SAMTOR: variants seen among roughly 807,000 people sequenced by gnomAD.
SAMTOR encodes UPF0532 protein C7orf60.
the SAMTOR span, among the ~76,000 whole-genome samples, chr7:112,868,947 T>C: frequency 2.6e-5 from 4 of 152,296 alleles, no homozygotes; most frequent in South Asian, 8.3e-4. Flanking sequence ...CCCGGGCTGC[T>C]TCCTTGGTTG....
the SAMTOR span, among the ~76,000 whole-genome samples, chr7:112,826,746 A>G: frequency 1.1e-4 from 16 of 152,058 alleles, no homozygotes; most frequent in East Asian, 3.9e-4. Context: ...TAGTGCTATA[A>G]TTTTCCCCTA....
chr7:112,925,549 T>A, the SAMTOR span, among the ~76,000 whole-genome samples: 2 of 152,178 alleles, frequency 1.3e-5, no homozygotes, highest in African/African-American at 4.8e-5. Context: ...ATCCCAGCAC[T>A]TTGGGAGGCC....
chr7:112,847,616 T>C, the SAMTOR span, among the ~76,000 whole-genome samples: 4 of 152,146 alleles, frequency 2.6e-5, no homozygotes, highest in East Asian at 5.8e-4. Flanking sequence ...CTGTCTCTAC[T>C]AAAAATACAA....
the SAMTOR span, among the ~76,000 whole-genome samples, chr7:112,835,190 C>A: frequency 2.3e-4 from 35 of 151,996 alleles, no homozygotes; most frequent in Non-Finnish European, 3.4e-4. Flanking sequence ...GATCCAGCAG[C>A]TTTACTAAAT....
the SAMTOR span, among the ~76,000 whole-genome samples, chr7:112,918,689 T>A: frequency 6.6e-6 from 1 of 152,160 alleles, no homozygotes; most frequent in African/African-American, 2.4e-5. Flanking sequence ...CAGTGTGCTG[T>A]ATTCAGGAAA....
chr7:112,925,974 T>C, the SAMTOR span, among the ~76,000 whole-genome samples: 2 of 152,250 alleles, frequency 1.3e-5, no homozygotes, highest in East Asian at 3.9e-4. Context: ...GCATACCGAA[T>C]GTGTCCAGAA....
At chr7:112,849,167 G>C in the SAMTOR span, among the ~76,000 whole-genome samples, 1 of 151,948 alleles carries the variant, frequency 6.6e-6, no homozygotes, top group African/African-American at 2.4e-5. Flanking sequence ...TATCTTAAAT[G>C]GTTCTTTCAT....
the SAMTOR span, among the ~76,000 whole-genome samples, chr7:112,872,959 C>G: frequency 4.6e-5 from 7 of 150,806 alleles, no homozygotes; most frequent in Admixed American, 1.3e-4. Flanking sequence ...GTGCACACAC[C>G]CACACACCCA....
chr7:112,929,404 T>C, the SAMTOR span, among the ~76,000 whole-genome samples: 8 of 151,988 alleles, frequency 5.3e-5, no homozygotes, highest in African/African-American at 2.4e-5. Flanking sequence ...ACCTCCCATC[T>C]GTTAGGATGG....
At chr7:112,863,231 T>C in the SAMTOR span, among the ~76,000 whole-genome samples, 10 of 152,184 alleles carry the variant, frequency 6.6e-5, no homozygotes, top group Non-Finnish European at 5.9e-5. Context: ...TGGTTAGTTA[T>C]AGTCAGAAGT....
chr7:112,920,854 A>G, the SAMTOR span, among the ~76,000 whole-genome samples: 1 of 152,132 alleles, frequency 6.6e-6, no homozygotes, highest in African/African-American at 2.4e-5. Flanking sequence ...CAATTGCTTC[A>G]AAGAGAATAA....
chr7:112,828,587 A>G, the SAMTOR span, among the ~76,000 whole-genome samples: 1 of 152,318 alleles, frequency 6.6e-6, no homozygotes, highest in East Asian at 1.9e-4. Flanking sequence ...TCACATCTTT[A>G]GAGTTAGAAC....
chr7:112,870,292 T>G, the SAMTOR span, among the ~76,000 whole-genome samples: 1 of 152,058 alleles, frequency 6.6e-6, no homozygotes, highest in Non-Finnish European at 1.5e-5. Flanking sequence ...TCTCAAAGAT[T>G]ACCTATAAAG....
At chr7:112,838,307 T>C in the SAMTOR span, among the ~76,000 whole-genome samples, 1 of 152,094 alleles carries the variant, frequency 6.6e-6, no homozygotes, top group Non-Finnish European at 1.5e-5. Context: ...ATTTTACATC[T>C]ATGTTTATAA....
chr7:112,867,287 C>T, the SAMTOR span, among the ~76,000 whole-genome samples: 23 of 152,142 alleles, frequency 1.5e-4, no homozygotes, highest in Admixed American at 1.1e-3. Flanking sequence ...TCACTGGACA[C>T]GTAATTGAAA....
the SAMTOR span, among the ~76,000 whole-genome samples, chr7:112,862,129 C>T: frequency 1.3e-5 from 2 of 152,126 alleles, no homozygotes; most frequent in Non-Finnish European, 2.9e-5. Context: ...GTGGCACATG[C>T]CTGTAGTTCA....
At chr7:112,892,998 G>A in the SAMTOR span, among the ~76,000 whole-genome samples, 3 of 152,030 alleles carry the variant, frequency 2.0e-5, no homozygotes, top group Non-Finnish European at 4.4e-5. Context: ...TAAATATTCC[G>A]TAAACTATTC....
At chr7:112,874,129 G>T in the SAMTOR span, among the ~76,000 whole-genome samples, 1 of 152,032 alleles carries the variant, frequency 6.6e-6, no homozygotes, top group Admixed American at 6.6e-5. Context: ...CACATGAAAA[G>T]TGGTTTGGAG....
At chr7:112,840,479 C>T in the SAMTOR span, among the ~76,000 whole-genome samples, 2 of 151,892 alleles carry the variant, frequency 1.3e-5, no homozygotes, top group African/African-American at 2.4e-5. Flanking sequence ...TTCCCATTCT[C>T]GCCTCTCCTT....
Sources: allele counts gnomAD v4.1 joint callset (sites outside exome capture counted in the v4.1 genomes callset), GRCh38; gene constraint gnomAD v4.1.1; transcripts MANE v1.5; gene names NCBI Gene and HGNC (gene_info 2026-07-23, HGNC 2026-07-21).